Variants in TMEM184B observed in about 807,000 individuals in gnomAD.
The protein encoded by TMEM184B is transmembrane protein 184B.
In TMEM184B, 17 loss-of-function variants were observed where a neutral mutation model predicts 41.8. The ratio of observed to expected loss-of-function variants is 0.41; its 90% confidence interval spans 0.28 to 0.61. The LOEUF (loss-of-function observed/expected upper bound fraction) is 0.61, where lower values mean the gene tolerates loss of function less well. Among genes scored for constraint, TMEM184B ranks in the 20% least tolerant of loss-of-function variants. TMEM184B has a pLI of 0.34. For missense variants in TMEM184B, 393 were observed against 557.8 expected, an observed-to-expected ratio of 0.70 and a Z score of 2.98; for synonymous variants, 240 against 229.5, an observed-to-expected ratio of 1.05 and a Z score of -0.41.
chr22:38,255,279 C>T (rs577921307), intron 1 of TMEM184B, among the ~76,000 whole-genome samples: 72 of 152,324 alleles, frequency 4.7e-4, no homozygotes, highest in African/African-American at 1.6e-3. Context: ...CCGCCTCAGC[C>T]TCCCAGAGTG....
intron 2 of TMEM184B, among the ~76,000 whole-genome samples, chr22:38,247,492 C>T (rs1253338900): frequency 6.6e-6 from 1 of 152,240 alleles, no homozygotes; most frequent in Non-Finnish European, 1.5e-5. Flanking sequence ...CACAGCTACT[C>T]AGGAGGCTGA....
At chr22:38,236,447 C>T (rs1569027604) in intron 3 of TMEM184B, among the ~76,000 whole-genome samples, 1 of 152,070 alleles carries the variant, frequency 6.6e-6, no homozygotes, top group Non-Finnish European at 1.5e-5. Flanking sequence ...AGAAGGACTG[C>T]AGCTCAATAT....
Position 38,220,448 on chromosome 22 carries a change from C to G in TMEM184B, c.*1021G>C, listed in dbSNP as rs377156335. The G allele has an allele frequency of 3.0e-6, 3 of 985,702 alleles. No individual in the cohort carries two copies. In the African/African-American group the frequency reaches 5.2e-5, roughly 17 times the overall value. 61.1% of individuals were successfully genotyped at this position (985,702 alleles called of 1,614,324 possible). On this transcript the variant is annotated 3_prime_UTR_variant, in exon 9 of 9. Transcript: ENST00000361906. Reference sequence around the variant, plus strand: ...CCAGGCCCTGTGTGGATAGGGGCCCCGAGAGGAGTCTGGGACCATTCCCCC... The same window carrying G: ...CCAGGCCCTGTGTGGATAGGGGCCCGGAGAGGAGTCTGGGACCATTCCCCC...
chr22:38,262,198 A>G (rs1181057617), intron 1 of TMEM184B, among the ~76,000 whole-genome samples: 1 of 152,226 alleles, frequency 6.6e-6, no homozygotes, highest in African/African-American at 2.4e-5. Context: ...CCAAACAGGC[A>G]GCGGCAGGCA....
chr22:38,231,634 G>A, intron 3 of TMEM184B: 1 of 530,684 alleles, frequency 1.9e-6, no homozygotes, highest in Non-Finnish European at 3.4e-6. Context: ...GCCAGAGGAG[G>A]CTGAGGTAAG....
At position 38,221,590 on chromosome 22, in the gene TMEM184B, G is replaced by A; in HGVS notation, c.1103C>T (p.Ser368Phe). 6.2e-7 allele frequency: 1 copy of A among 1,614,118 alleles called. No individual in the cohort carries two copies. The highest frequency in any genetic ancestry group is 8.5e-7 in the Non-Finnish European group (1 of 1,179,996). Residue 368 changes from serine (S) to phenylalanine (F), a missense_variant, in exon 9 of 9, where the codon TCC (serine) becomes TTC (phenylalanine). By Grantham distance (155) the Ser-to-Phe change is radical. Around this residue, in one of 2 missense-constraint regions of TMEM184B, gnomAD observed 271 missense variants for 434.1 expected, o/e 0.62. Coordinates refer to ENST00000361906, the MANE Select transcript of TMEM184B (RefSeq NM_012264.5). The stretch of plus-strand genomic sequence containing the variant: ...CCAGGTGGGCCCAGGCTCCAGGGTG[G>A]ACTGCTGCGTGTACTGCTGGTAGGC... Reference protein sequence around the residue: ...SPAYQQYTQQSTLEPGPTWRG... With the variant: ...SPAYQQYTQQFTLEPGPTWRG...
chr22:38,232,899 G>C (rs2091672395), intron 3 of TMEM184B, among the ~76,000 whole-genome samples: 1 of 152,134 alleles, frequency 6.6e-6, no homozygotes, highest in South Asian at 2.1e-4. Flanking sequence ...ACCCCAGCTG[G>C]GATGGCACCC....
At chr22:38,272,569 C>T (rs2092541381) in intron 1 of TMEM184B, 1 of 985,586 alleles carries the variant, frequency 1.0e-6, no homozygotes, top group South Asian at 4.7e-5. Flanking sequence ...CTTGGTCCAT[C>T]CGCCTCCCTC....
chr22:38,247,388 C>A (rs377665883), intron 2 of TMEM184B, among the ~76,000 whole-genome samples: 1 of 152,220 alleles, frequency 6.6e-6, no homozygotes, highest in African/African-American at 2.4e-5. Context: ...GTCAGATGGG[C>A]GAGGCTTGAA....
In TMEM184B at chr22:38,266,694, C is replaced by A. The variant is rs539398767; in HGVS notation, c.-59+6190G>T. On this transcript the variant is annotated intron_variant, in intron 1 of 8. Transcript: ENST00000361906. ...AACGTGTGTTCATGCCTAGAAAGAA[C>A]ATCTGCCCAAACCTGAACCATGATT... Among the ~76,000 whole-genome samples the A allele has an allele frequency of 6.6e-5, 10 of 152,344 alleles. No individual in the cohort carries two copies. The South Asian group carries it at 2.1e-3, about 32-fold the overall frequency.
intron 1 of TMEM184B, among the ~76,000 whole-genome samples, chr22:38,267,586 C>T (rs2047035732): frequency 6.6e-6 from 1 of 152,062 alleles, no homozygotes; most frequent in South Asian, 2.1e-4. Flanking sequence ...GCACATGCCA[C>T]CACACCTGGC....
downstream of TMEM184B, chr22:38,219,173 A>G (rs1468094008): frequency 9.9e-6 from 8 of 809,750 alleles, no homozygotes; most frequent in African/African-American, 3.7e-5. Flanking sequence ...CCATCACTGA[A>G]AGGTTACACA....
intron 1 of TMEM184B, among the ~76,000 whole-genome samples, chr22:38,254,851 CTTTT>C (rs71195097): frequency 7.6e-6 from 1 of 131,194 alleles, no homozygotes; most frequent in Non-Finnish European, 1.6e-5. Flanking sequence ...TTGGCACTTT[CTTTT>C]TTTTTTTTTT....
At chr22:38,271,485 T>C (rs893756405) in intron 1 of TMEM184B, among the ~76,000 whole-genome samples, 2 of 152,112 alleles carry the variant, frequency 1.3e-5, no homozygotes, top group African/African-American at 4.8e-5. Flanking sequence ...GGAAAATATA[T>C]GTGGAAAGCA....
In TMEM184B at chr22:38,220,847, G is replaced by T. The variant is rs2091237811; in HGVS notation, c.*622C>A. On this transcript the variant is annotated 3_prime_UTR_variant, in exon 9 of 9. Transcript: ENST00000361906. ...GCTTCAACAGAAGCGGTGCCCAGGG[G>T]CCCTGAATGCCCTTCCTGGGTGGGG... 1.0e-6 allele frequency: 1 copy of T among 986,130 alleles called. No individual in the cohort carries two copies. 61.1% of individuals were successfully genotyped at this position (986,130 alleles called of 1,614,324 possible). A position where few individuals can be genotyped will look rare whatever the true frequency, so the allele number is the denominator to read the frequency against.
chr22:38,220,170 G>A lies in TMEM184B; in HGVS notation c.*1299C>T. On this transcript the variant is annotated 3_prime_UTR_variant, in exon 9 of 9. Transcript: ENST00000361906. The stretch of plus-strand genomic sequence containing the variant: ...CTTCCTAAGTCAGGAGCTAGTATAA[G>A]CCCAGCCTGCTGGGGGTTCCGGAGG... 1.0e-6 allele frequency: 1 copy of A among 985,460 alleles called. No individual in the cohort carries two copies. The highest frequency in any genetic ancestry group is 1.2e-6 in the Non-Finnish European group (1 of 829,944). 61.0% of individuals were successfully genotyped at this position (985,460 alleles called of 1,614,324 possible). A position where few individuals can be genotyped will look rare whatever the true frequency, so the allele number is the denominator to read the frequency against.
rs567412813 is a variant in TMEM184B, at chr22:38,267,654, A to G, written c.-59+5230T>C. Among the ~76,000 whole-genome samples, 25 of 152,130 alleles carry G rather than the reference A, an allele frequency of 1.6e-4. No homozygotes were observed. In the South Asian group the frequency reaches 5.2e-3, roughly 32 times the overall value. On this transcript the variant is annotated intron_variant, in intron 1 of 8. Transcript: ENST00000361906. ...CACCATGTTGGCCAGGCTGGTCTCC[A>G]ATTCCTGAGCTCAAGTGATCTGCCC...
chr22:38,224,794 C>G lies in TMEM184B; in HGVS notation c.973G>C (p.Asp325His). ...GGACCCTGGCTCATACCTTGTGCGTCCAGCCTCTTGTCAGCATAGACCTTG... is the reference window on the plus strand; with the variant it reads ...GGACCCTGGCTCATACCTTGTGCGTGCAGCCTCTTGTCAGCATAGACCTTG... ...TYKVYADKRL[D>H]AQGRCAPMKS... is the part of the protein sequence containing the mutation. The change falls in exon 8 of 9, where the codon GAC (aspartate) becomes CAC (histidine). Residue 325 changes from aspartate (D) to histidine (H), a missense_variant. Around this residue, in one of 2 missense-constraint regions of TMEM184B, gnomAD observed 271 missense variants for 434.1 expected, o/e 0.62. Coordinates refer to ENST00000361906, the MANE Select transcript of TMEM184B (RefSeq NM_012264.5). 1 of 1,599,802 alleles carries G rather than the reference C, an allele frequency of 6.3e-7. No homozygotes were observed. The highest frequency in any genetic ancestry group is 8.5e-7 in the Non-Finnish European group (1 of 1,170,228).
At chr22:38,255,337 AT>A in intron 1 of TMEM184B, among the ~76,000 whole-genome samples, 1 of 148,150 alleles carries the variant, frequency 6.7e-6, no homozygotes, top group Admixed American at 6.7e-5. Context: ...TGGCCGGCTA[AT>A]TTTTTTTGTA....
Sources: gnomAD v4.1 joint callset for allele counts (sites outside exome capture counted in the v4.1 genomes callset) on GRCh38, gnomAD v4.1.1 for gene constraint, gnomAD v4.1.1 regional missense constraint, MANE v1.5 for transcripts, NCBI Gene and HGNC (gene_info 2026-07-23, HGNC 2026-07-21) for gene names.